Variants in ZNF407 observed in about 807,000 individuals in gnomAD.
The protein encoded by ZNF407 is zinc finger protein 407.
A neutral mutation model predicts 131.2 loss-of-function variants in ZNF407; 17 were observed. The observed-to-expected ratio is 0.13, with a 90% confidence interval of 0.09 to 0.19. The LOEUF is 0.19. Among genes scored for constraint, ZNF407 ranks in the 10% least tolerant of loss-of-function variants. The pLI, the probability that ZNF407 is intolerant of heterozygous loss-of-function variation, is 1.00. For missense variants in ZNF407, 2,681 were observed against 2,830.6 expected, an observed-to-expected ratio of 0.95 and a Z score of 1.20; for synonymous variants, 1,156 against 1,062.0, an observed-to-expected ratio of 1.09 and a Z score of -1.72.
chr18:75,060,430 G>T (rs373341749), intron 8 of ZNF407: 2 of 152,244 alleles, frequency 1.3e-5, no homozygotes, highest in East Asian at 3.9e-4. Flanking sequence ...GACGCAGAGC[G>T]AGTACACAGG....
At chr18:74,621,888 G>A (rs1983526141) in intron 1 of ZNF407, among the ~76,000 whole-genome samples, 1 of 152,144 alleles carries the variant, frequency 6.6e-6, no homozygotes, top group Non-Finnish European at 1.5e-5. Flanking sequence ...GTGAGGACGT[G>A]GGTTTCCTGG....
chr18:74,979,310 A>G (rs900955734), intron 8 of ZNF407, among the ~76,000 whole-genome samples: 6 of 152,136 alleles, frequency 3.9e-5, no homozygotes, highest in Admixed American at 1.3e-4. Flanking sequence ...ACAAACATCT[A>G]CAAGAAATAT....
chr18:74,714,421 A>G (rs924620630), intron 3 of ZNF407, among the ~76,000 whole-genome samples: 1 of 152,218 alleles, frequency 6.6e-6, no homozygotes, highest in African/African-American at 2.4e-5. Context: ...AGACACATTT[A>G]TGAATTTTGC....
At chr18:75,006,254 T>C (rs1053130887) in intron 8 of ZNF407, among the ~76,000 whole-genome samples, 2 of 152,218 alleles carry the variant, frequency 1.3e-5, no homozygotes, top group Non-Finnish European at 2.9e-5. Flanking sequence ...GATGTATTGA[T>C]CTTTCCTATT....
chr18:74,909,301 T>C (rs1479171911), intron 7 of ZNF407, among the ~76,000 whole-genome samples: 1 of 152,042 alleles, frequency 6.6e-6, no homozygotes, highest in Non-Finnish European at 1.5e-5. Flanking sequence ...TTGAACTCAT[T>C]TGTGTTTAAT....
At chr18:74,648,687 CTT>C (rs1985086106) in intron 3 of ZNF407, among the ~76,000 whole-genome samples, 1 of 152,182 alleles carries the variant, frequency 6.6e-6, no homozygotes, top group Admixed American at 6.5e-5. Context: ...ATCCATATAA[CTT>C]AATGCAGCAT....
intron 3 of ZNF407, among the ~76,000 whole-genome samples, chr18:74,666,168 TCTGTGTGCC>T (rs1283186995): frequency 3.3e-5 from 5 of 152,118 alleles, no homozygotes; most frequent in Admixed American, 6.5e-5. Context: ...GTGAGGGCGC[TCTGTGTGCC>T]CTGTGTGCCC....
chr18:74,987,202 G>A (rs192175350), intron 8 of ZNF407, among the ~76,000 whole-genome samples: 10 of 151,386 alleles, frequency 6.6e-5, no homozygotes, highest in South Asian at 2.1e-4. Flanking sequence ...GAGGCGTGTC[G>A]TTGTGTCAGT....
chr18:74,866,977 G>T (rs1971020364), intron 4 of ZNF407, among the ~76,000 whole-genome samples: 1 of 112,498 alleles, frequency 8.9e-6, no homozygotes, highest in African/African-American at 3.6e-5. Flanking sequence ...GTGAAACCCT[G>T]TGTCTACCCG....
At chr18:74,865,031 C>A (rs571380972) in intron 4 of ZNF407, among the ~76,000 whole-genome samples, 19 of 152,246 alleles carry the variant, frequency 1.2e-4, no homozygotes, top group South Asian at 1.2e-3. Context: ...AATATGAGTT[C>A]CCTGCATCTG....
chr18:74,667,992 C>T (rs982030904), intron 3 of ZNF407, among the ~76,000 whole-genome samples: 1 of 152,078 alleles, frequency 6.6e-6, no homozygotes, highest in Non-Finnish European at 1.5e-5. Context: ...GAGTGCTTAC[C>T]TTGTTCCTTG....
At chr18:75,052,600 T>G (rs1973514461) in intron 8 of ZNF407, among the ~76,000 whole-genome samples, 1 of 152,198 alleles carries the variant, frequency 6.6e-6, no homozygotes, top group South Asian at 2.1e-4. Context: ...TTCTAACCCC[T>G]GTTGAAGATT....
chr18:74,680,685 A>G (rs1297694220), intron 3 of ZNF407, among the ~76,000 whole-genome samples: 4 of 151,850 alleles, frequency 2.6e-5, no homozygotes, highest in Admixed American at 6.6e-5. Flanking sequence ...TAGATGTAGT[A>G]TTTTTCTTAT....
At chr18:74,798,005 A>G (rs911078190) in intron 4 of ZNF407, among the ~76,000 whole-genome samples, 11 of 152,262 alleles carry the variant, frequency 7.2e-5, no homozygotes, top group Non-Finnish European at 1.6e-4. Context: ...GGGAAGGGAA[A>G]GCATGACTCA....
intron 3 of ZNF407, among the ~76,000 whole-genome samples, chr18:74,740,019 T>C (rs1968511398): frequency 6.6e-6 from 1 of 152,226 alleles, no homozygotes; most frequent in South Asian, 2.1e-4. Context: ...CTCTGGCTTC[T>C]GCATCAAATG....
chr18:74,884,155 A>G (rs960746186), intron 6 of ZNF407, among the ~76,000 whole-genome samples: 12 of 152,220 alleles, frequency 7.9e-5, no homozygotes, highest in Non-Finnish European at 1.5e-4. Context: ...AATGTATGTC[A>G]TCTTCAAACC....
At chr18:74,885,897 T>C (rs1373592104) in intron 6 of ZNF407, among the ~76,000 whole-genome samples, 2 of 152,202 alleles carry the variant, frequency 1.3e-5, no homozygotes, top group Non-Finnish European at 2.9e-5. Flanking sequence ...TTTCTGACTT[T>C]GGATTATCAA....
chr18:74,995,403 C>T (rs1404422425), intron 8 of ZNF407, among the ~76,000 whole-genome samples: 1 of 152,134 alleles, frequency 6.6e-6, no homozygotes, highest in Non-Finnish European at 1.5e-5. Context: ...TTCGATCCTA[C>T]ACTGGGTTGC....
At chr18:74,982,163 T>A (rs545406581) in intron 8 of ZNF407, among the ~76,000 whole-genome samples, 143 of 152,340 alleles carry the variant, frequency 9.4e-4, no homozygotes, top group African/African-American at 2.8e-3. Flanking sequence ...CTTTTTAGCA[T>A]TCTCTAAGGT....
Sources: gnomAD v4.1 joint callset for allele counts (sites outside exome capture counted in the v4.1 genomes callset) on GRCh38, gnomAD v4.1.1 for gene constraint, MANE v1.5 for transcripts, NCBI Gene and HGNC (gene_info 2026-07-23, HGNC 2026-07-21) for gene names.